Variants in CPA6 observed in about 807,000 individuals in gnomAD.
The protein encoded by CPA6 is carboxypeptidase B.
In CPA6, 58 loss-of-function variants were observed where a neutral mutation model predicts 63.3. The ratio of observed to expected loss-of-function variants is 0.92; its 90% CI spans 0.74 to 1.14. CPA6 has a LOEUF of 1.14. Among genes scored for constraint, CPA6 ranks in the 50% most tolerant of loss-of-function variants. The probability of loss-of-function intolerance (pLI) is 0.00; values close to 1 mark genes in which losing one functional copy is unlikely to be tolerated. For missense variants in CPA6, 565 were observed against 526.6 expected (o/e 1.07, Z -0.71); for synonymous variants, 185 against 179.0 (o/e 1.03, Z -0.27).
intron 3 of CPA6, 118 bp downstream of exon 3, chr8:67,517,805 T>C (rs1812176856): frequency 9.6e-7 from 1 of 1,045,316 alleles, no homozygotes; most frequent in Admixed American, 2.7e-5. Flanking sequence ...GTTTTCCCCA[T>C]ATGAAAAATT....
At chr8:67,464,975 T>C (rs975225879) in intron 8 of CPA6, among the ~76,000 whole-genome samples, 3 of 152,246 alleles carry the variant, frequency 2.0e-5, no homozygotes, top group Non-Finnish European at 4.4e-5. Flanking sequence ...TTGCTTAGGA[T>C]TGCTGTGGCT....
chr8:67,443,697 G>T (rs970328716), intron 8 of CPA6, among the ~76,000 whole-genome samples: 8 of 152,000 alleles, frequency 5.3e-5, no homozygotes, highest in Non-Finnish European at 1.2e-4. Flanking sequence ...GGATTTTAAC[G>T]CATGGTCAAA....
intron 1 of CPA6, among the ~76,000 whole-genome samples, chr8:67,739,453 C>T (rs1817872812): frequency 6.6e-6 from 1 of 152,228 alleles, no homozygotes; most frequent in Admixed American, 6.5e-5. Flanking sequence ...TACACACTAA[C>T]TTGTGGGGAA....
At chr8:67,515,393 C>A (rs145606408) in intron 3 of CPA6, among the ~76,000 whole-genome samples, 1 of 152,112 alleles carries the variant, frequency 6.6e-6, no homozygotes, top group East Asian at 1.9e-4. Flanking sequence ...CATTCTCTAG[C>A]CTCTTCAGGG....
chr8:67,737,177 A>G (rs1409909855), intron 1 of CPA6, among the ~76,000 whole-genome samples: 1 of 152,062 alleles, frequency 6.6e-6, no homozygotes, highest in East Asian at 1.9e-4. Context: ...GACCTCACCT[A>G]CCTCTGCAGC....
At chr8:67,675,749 A>C (rs1407990644) in intron 1 of CPA6, among the ~76,000 whole-genome samples, 1 of 152,228 alleles carries the variant, frequency 6.6e-6, no homozygotes, top group Non-Finnish European at 1.5e-5. Flanking sequence ...CTGCCTGTGC[A>C]TTATCTACTC....
In CPA6 at chr8:67,498,535, C is replaced by CAAAAA. The variant is rs397940852; in HGVS notation, c.636+8247_636+8251dup. Among the ~76,000 whole-genome samples, 42 of 33,172 alleles carry CAAAAA rather than the reference C, an allele frequency of 1.3e-3. 1 individual carries two copies. Among genetic ancestry groups the CAAAAA allele is most frequent in the African/African-American group, 2.3e-3 (40 of 17,360 alleles). 21.8% of individuals were successfully genotyped at this position (33,172 alleles called of 152,430 possible). A position where few individuals can be genotyped will look rare whatever the true frequency, so the allele number is the denominator to read the frequency against. ...TGGGTGACAGAGCGAGACTCCATCTCAAAAAAAAAAAAAAAAAAAAAAAAA... is the reference window on the plus strand; with the variant it reads ...TGGGTGACAGAGCGAGACTCCATCTCAAAAAAAAAAAAAAAAAAAAAAAAAAAAAA... On this transcript the variant is annotated intron_variant, in intron 6 of 10. Transcript: ENST00000297770.
At chr8:67,667,171 A>G (rs1255057547) in intron 1 of CPA6, among the ~76,000 whole-genome samples, 1 of 152,316 alleles carries the variant, frequency 6.6e-6, no homozygotes, top group East Asian at 1.9e-4. Flanking sequence ...TGCTGCTTTG[A>G]TGACCTTTGA....
chr8:67,699,504 T>TAAAC (rs544437972), intron 1 of CPA6, among the ~76,000 whole-genome samples: 7 of 150,140 alleles, frequency 4.7e-5, no homozygotes, highest in Non-Finnish European at 8.8e-5. Context: ...AATAAATAAA[T>TAAAC]AAACAAACAA....
intron 9 of CPA6, 49 bp downstream of exon 9, chr8:67,433,989 A>C: frequency 7.4e-7 from 1 of 1,355,622 alleles, no homozygotes; most frequent in South Asian, 1.2e-5. Context: ...TCTTAGCTTC[A>C]GAAAAGCAGC....
intron 1 of CPA6, among the ~76,000 whole-genome samples, chr8:67,633,362 C>T (rs912229771): frequency 9.9e-5 from 15 of 151,974 alleles, no homozygotes; most frequent in Admixed American, 2.0e-4. Context: ...GTTCTTATTG[C>T]CCTTTTCTTC....
intron 3 of CPA6, among the ~76,000 whole-genome samples, chr8:67,515,122 C>T (rs1269110234): frequency 1.3e-5 from 2 of 152,176 alleles, no homozygotes; most frequent in Non-Finnish European, 2.9e-5. Flanking sequence ...TCCCAAACCC[C>T]AAAACTCTGT....
intron 8 of CPA6, among the ~76,000 whole-genome samples, chr8:67,451,971 G>A (rs1420973600): frequency 6.6e-6 from 1 of 152,130 alleles, no homozygotes; most frequent in Admixed American, 6.5e-5. Flanking sequence ...TGTGTACATA[G>A]GTACAAATCA....
intron 8 of CPA6, among the ~76,000 whole-genome samples, chr8:67,476,760 T>C (rs956635836): frequency 6.6e-6 from 1 of 152,194 alleles, no homozygotes; most frequent in Non-Finnish European, 1.5e-5. Context: ...ACTTTTCATT[T>C]GAGCTCAATT....
At chr8:67,464,344 T>A (rs1810879589) in intron 8 of CPA6, among the ~76,000 whole-genome samples, 1 of 152,328 alleles carries the variant, frequency 6.6e-6, no homozygotes, top group Middle Eastern at 3.4e-3. Context: ...TCTGTTCATA[T>A]CTTTTGCCCA....
intron 8 of CPA6, among the ~76,000 whole-genome samples, chr8:67,480,060 C>T (rs934892320): frequency 2.6e-5 from 4 of 151,774 alleles, no homozygotes; most frequent in East Asian, 1.9e-4. Flanking sequence ...CTAAAAAAAT[C>T]GTATAGTTTT....
In CPA6 at chr8:67,733,309, G is replaced by A. The variant is rs187686712; in HGVS notation, c.116+12705C>T. On this transcript the variant is annotated intron_variant, in intron 1 of 10. Coordinates refer to ENST00000297770, the MANE Select transcript of CPA6 (RefSeq NM_020361.5). ...CCCCAGAACTCCTGATTTGGGAGGG[G>A]GAGGTGGCCTGATAATTTTTAGCTT... 1.3e-3 allele frequency among the ~76,000 whole-genome samples: 203 copies of A among 151,928 alleles called. 1 individual carries two copies. The highest frequency in any genetic ancestry group is 4.8e-3 in the African/African-American group (198 of 41,402).
At chr8:67,471,014 T>C (rs1015297237) in intron 8 of CPA6, among the ~76,000 whole-genome samples, 1 of 152,204 alleles carries the variant, frequency 6.6e-6, no homozygotes, top group African/African-American at 2.4e-5. Flanking sequence ...TCCCAACCTA[T>C]GCAGAATAAA....
rs865933945 is a variant in CPA6, at chr8:67,710,410, C to G, written c.116+35604G>C. ...TGCAAATTTCCCGCCCCCACCCCCC[C>G]CCAACCCCCCACCCCGAAAGATGGC... On this transcript the variant is annotated intron_variant, in intron 1 of 10. Transcript: ENST00000297770. 7.4e-5 allele frequency among the ~76,000 whole-genome samples: 11 copies of G among 148,712 alleles called. 1 individual carries two copies. Among genetic ancestry groups the G allele is most frequent in the African/African-American group, 2.7e-4 (11 of 40,100 alleles).
Sources: allele counts gnomAD v4.1 joint callset (sites outside exome capture counted in the v4.1 genomes callset), GRCh38; gene constraint gnomAD v4.1.1; transcripts MANE v1.5; gene names NCBI Gene and HGNC (gene_info 2026-07-23, HGNC 2026-07-21).